SENP7: variants seen among roughly 807,000 people sequenced by gnomAD.
SENP7 encodes the protein sentrin-specific protease 7.
A neutral mutation model predicts 141.2 loss-of-function variants in SENP7; 64 were observed. The observed-to-expected ratio is 0.45, with a 90% CI of 0.37 to 0.56. The LOEUF is 0.56. SENP7 is among the 20% of genes least tolerant of loss of function. The pLI, the probability that SENP7 is intolerant of heterozygous loss-of-function variation, is 0.00. For synonymous variants in SENP7, 382 were observed against 426.4 expected, an observed-to-expected ratio of 0.90 and a Z score of 1.28; for missense variants, 1,025 against 1,212.2, an observed-to-expected ratio of 0.85 and a Z score of 2.29.
intron 3 of SENP7, among the ~76,000 whole-genome samples, chr3:101,489,906 CG>C (rs1483936818): frequency 6.6e-6 from 1 of 152,158 alleles, no homozygotes; most frequent in Non-Finnish European, 1.5e-5. Flanking sequence ...AAGCCCAGGC[CG>C]GGCACAGTGG....
At chr3:101,408,028 C>G (rs1300845735) in intron 5 of SENP7, among the ~76,000 whole-genome samples, 1 of 151,856 alleles carries the variant, frequency 6.6e-6, no homozygotes, top group Non-Finnish European at 1.5e-5. Flanking sequence ...ATTGATAGAC[C>G]ATTAGCAATA....
chr3:101,328,908 T>C (rs1272945462), intron 20 of SENP7, among the ~76,000 whole-genome samples: 1 of 152,150 alleles, frequency 6.6e-6, no homozygotes, highest in Non-Finnish European at 1.5e-5. Flanking sequence ...GTTAAGGAGT[T>C]TTAACTTTTC....
At chr3:101,451,238 C>A (rs4513431) in intron 4 of SENP7, among the ~76,000 whole-genome samples, 60,331 of 151,810 alleles carry the variant, frequency 0.4, 12,499 homozygotes, top group Admixed American at 0.54. Context: ...CTTACCAACC[C>A]AAAAAAGTCC....
At chr3:101,348,500 T>C (rs1382908696) in intron 12 of SENP7, among the ~76,000 whole-genome samples, 1 of 152,138 alleles carries the variant, frequency 6.6e-6, no homozygotes, top group Non-Finnish European at 1.5e-5. Context: ...ATTTCCACCT[T>C]TTCTATATTG....
intron 14 of SENP7, among the ~76,000 whole-genome samples, chr3:101,342,893 T>C (rs1294537235): frequency 6.6e-6 from 1 of 152,146 alleles, no homozygotes; most frequent in African/African-American, 2.4e-5. Flanking sequence ...CTCAATGTCT[T>C]GACCTCTCGT....
At chr3:101,346,134 A>T (rs2059447378) in intron 13 of SENP7, among the ~76,000 whole-genome samples, 1 of 152,234 alleles carries the variant, frequency 6.6e-6, no homozygotes, top group Admixed American at 6.5e-5. Flanking sequence ...TCTCAAAAGA[A>T]GATACACAAA....
chr3:101,358,126 C>T, intron 11 of SENP7: 1 of 515,532 alleles, frequency 1.9e-6, no homozygotes. Context: ...AACTGTTCCT[C>T]AAACCCTACT....
At chr3:101,375,722 G>A (rs956763264) in intron 6 of SENP7, among the ~76,000 whole-genome samples, 1 of 151,946 alleles carries the variant, frequency 6.6e-6, no homozygotes, top group Non-Finnish European at 1.5e-5. Flanking sequence ...ACAACCTTAG[G>A]GTCCATCAAG....
intron 3 of SENP7, among the ~76,000 whole-genome samples, chr3:101,463,369 ATATATAT>A (rs1559864769): frequency 1.1e-3 from 92 of 80,578 alleles, no homozygotes; most frequent in African/African-American, 3.8e-3. Context: ...AAATAAATAT[ATATATAT>A]ATATATATAT....
At chr3:101,391,359 CAAGA>C (rs2060811717) in intron 6 of SENP7, among the ~76,000 whole-genome samples, 3 of 125,330 alleles carry the variant, frequency 2.4e-5, no homozygotes, top group Non-Finnish European at 5.2e-5. Flanking sequence ...AAAAAAAAAA[CAAGA>C]AAGAACACTG....
rs1305813470 is a variant in SENP7 at position 101,367,889 on chromosome 3, T to C, written c.919A>G (p.Arg307Gly). Reference protein sequence around the residue: ...LISRKTKRRLRNNLPDSQYCT... With the variant: ...LISRKTKRRLGNNLPDSQYCT... ...TATTGAGAATCAGGTAAATTATTTC[T>C]AAGCCTTCTCTTTGTCTTCCTGGAA... The change falls in exon 8 of 24, where the codon AGA becomes GGA. Residue 307 changes from arginine (R) to glycine (G), a missense_variant. By Grantham distance (125) the Arg-to-Gly change is moderately radical. Coordinates refer to ENST00000394095, the MANE Select transcript of SENP7 (RefSeq NM_020654.5). The C allele has an allele frequency of 6.2e-7, 1 of 1,611,244 alleles. No individual in the cohort carries two copies. The highest frequency in any genetic ancestry group is 1.3e-5 in the African/African-American group (1 of 74,978).
At chr3:101,458,580 A>G (rs1343325293) in intron 4 of SENP7, 2 of 162,134 alleles carry the variant, frequency 1.2e-5, no homozygotes, top group African/African-American at 4.8e-5. Context: ...CAAGTTGCAG[A>G]TGTCTGTTTC....
At chr3:101,433,162 T>C (rs987402147) in intron 4 of SENP7, among the ~76,000 whole-genome samples, 2 of 152,170 alleles carry the variant, frequency 1.3e-5, no homozygotes, top group African/African-American at 4.8e-5. Context: ...ATTTTGCTTG[T>C]TGTTTATGCA....
At chr3:101,435,772 G>A (rs957966830) in intron 4 of SENP7, among the ~76,000 whole-genome samples, 3 of 151,900 alleles carry the variant, frequency 2.0e-5, no homozygotes, top group African/African-American at 7.2e-5. Flanking sequence ...TAAGAAATAT[G>A]AGAACACTAA....
chr3:101,394,311 T>C (rs1262851408), intron 6 of SENP7, among the ~76,000 whole-genome samples: 1 of 152,160 alleles, frequency 6.6e-6, no homozygotes, highest in Non-Finnish European at 1.5e-5. Context: ...GGTATTCCAT[T>C]GTGTATACAG....
At chr3:101,394,499 T>G (rs1355966159) in intron 6 of SENP7, among the ~76,000 whole-genome samples, 2 of 150,908 alleles carry the variant, frequency 1.3e-5, no homozygotes, top group South Asian at 2.1e-4. Flanking sequence ...GTTCTATTTT[T>G]ATGTTTCTTT....
At chr3:101,429,327 A>G (rs535086313) in intron 4 of SENP7, among the ~76,000 whole-genome samples, 24 of 152,312 alleles carry the variant, frequency 1.6e-4, no homozygotes, top group African/African-American at 5.8e-4. Context: ...ATCCATGAGC[A>G]TGGAATGTTT....
At chr3:101,402,310 A>G (rs1447201082) in intron 5 of SENP7, among the ~76,000 whole-genome samples, 1 of 152,160 alleles carries the variant, frequency 6.6e-6, no homozygotes, top group Non-Finnish European at 1.5e-5. Context: ...CATGCAAAAG[A>G]TCCAATGGCC....
intron 3 of SENP7, among the ~76,000 whole-genome samples, chr3:101,467,181 C>A (rs4683917): frequency 0.68 from 103,655 of 152,148 alleles, 35,822 homozygotes; most frequent in African/African-American, 0.78. Flanking sequence ...AGTGGCCGGG[C>A]AGCTAGAACA....
Sources: allele counts gnomAD v4.1 joint callset (sites outside exome capture counted in the v4.1 genomes callset), GRCh38; gene constraint gnomAD v4.1.1; transcripts MANE v1.5; gene names NCBI Gene and HGNC (gene_info 2026-07-23, HGNC 2026-07-21).